Variants in LRBA observed in about 807,000 individuals in gnomAD.
LRBA encodes lipopolysaccharide-responsive and beige-like anchor protein.
In LRBA, 176 loss-of-function variants were observed where a neutral mutation model predicts 330.0. The ratio of observed to expected loss-of-function variants is 0.53; its 90% CI spans 0.47 to 0.60. The LOEUF (loss-of-function observed/expected upper bound fraction) is 0.60. LRBA is among the 20% of genes least tolerant of loss of function. LRBA has a pLI of 0.00. For synonymous variants in LRBA, 1,230 were observed against 1,193.0 expected, an observed-to-expected ratio of 1.03 and a Z score of -0.64; for missense variants, 3,259 against 3,444.8, an observed-to-expected ratio of 0.95 and a Z score of 1.35.
intron 14 of LRBA, among the ~76,000 whole-genome samples, chr4:150,899,734 T>C (rs1030851481): frequency 6.6e-6 from 1 of 152,124 alleles, no homozygotes. Flanking sequence ...CATCTCAGCA[T>C]CAATTACTAA....
intron 28 of LRBA, among the ~76,000 whole-genome samples, chr4:150,832,494 C>T (rs1747352890): frequency 6.6e-6 from 1 of 151,952 alleles, no homozygotes; most frequent in Non-Finnish European, 1.5e-5. Flanking sequence ...TACTCAGGAG[C>T]CTGAGGTGGG....
Position 150,799,427 on chromosome 4 carries a change from G to A in LRBA, c.5519-1285C>T, listed in dbSNP as rs1326626072. Among the ~76,000 whole-genome samples, 9 of 152,192 alleles carry A rather than the reference G, an allele frequency of 5.9e-5. No homozygotes were observed. In the East Asian group the frequency reaches 1.5e-3, roughly 26 times the overall value. On this transcript the variant is annotated intron_variant, in intron 33 of 56. Coordinates refer to ENST00000651943, the MANE Select transcript of LRBA (RefSeq NM_001364905.1). ...TCTCTTACTGCAGGTGTAGCCCTCT[G>A]CTGGTCTGAAACCTTGCCATTTTTC...
At chr4:150,726,742 C>A (rs1729728611) in intron 36 of LRBA, among the ~76,000 whole-genome samples, 2 of 152,150 alleles carry the variant, frequency 1.3e-5, no homozygotes, top group Admixed American at 1.3e-4. Flanking sequence ...GTGATCCAAT[C>A]ACTTGCCTCC....
intron 2 of LRBA, among the ~76,000 whole-genome samples, chr4:150,979,403 A>C (rs1015304607): frequency 1.3e-5 from 2 of 152,236 alleles, no homozygotes; most frequent in Non-Finnish European, 2.9e-5. Flanking sequence ...TTAGTTCCTC[A>C]ATCAAAAAGA....
intron 47 of LRBA, among the ~76,000 whole-genome samples, chr4:150,401,843 G>T (rs1328777733): frequency 6.6e-6 from 1 of 151,738 alleles, no homozygotes; most frequent in Middle Eastern, 3.2e-3. Context: ...TAAAAATATT[G>T]TGTGTATATA....
chr4:150,593,951 A>T (rs571985050), intron 38 of LRBA, among the ~76,000 whole-genome samples: 7 of 152,300 alleles, frequency 4.6e-5, no homozygotes, highest in African/African-American at 1.4e-4. Flanking sequence ...CAATTAAAAA[A>T]TTTTTAAATA....
chr4:150,347,645 C>CA (rs57952007), intron 48 of LRBA, among the ~76,000 whole-genome samples: 85 of 133,840 alleles, frequency 6.4e-4, no homozygotes, highest in East Asian at 6.2e-3. Flanking sequence ...GACTCTGTCT[C>CA]AAAAAAAAAA....
intron 37 of LRBA, among the ~76,000 whole-genome samples, chr4:150,653,843 T>C (rs1176385053): frequency 1.3e-5 from 2 of 152,216 alleles, no homozygotes; most frequent in African/African-American, 2.4e-5. Flanking sequence ...TATTTCAGCA[T>C]GTATCAGGAA....
chr4:150,754,047 A>G (rs1428496907), intron 35 of LRBA, among the ~76,000 whole-genome samples: 1 of 151,876 alleles, frequency 6.6e-6, no homozygotes, highest in Non-Finnish European at 1.5e-5. Flanking sequence ...AGCCTGGGCA[A>G]CAAAGTTGAG....
At chr4:150,885,398 G>C (rs989950816) in intron 17 of LRBA, among the ~76,000 whole-genome samples, 16 of 152,094 alleles carry the variant, frequency 1.1e-4, no homozygotes, top group Non-Finnish European at 2.1e-4. Context: ...AGATGGGCGG[G>C]TAATTTGAGG....
intron 34 of LRBA, among the ~76,000 whole-genome samples, chr4:150,775,942 A>G (rs1737269322): frequency 1.3e-5 from 2 of 151,652 alleles, no homozygotes; most frequent in African/African-American, 4.8e-5. Context: ...AAGAGGGGAG[A>G]AAAAAAAGAA....
chr4:150,961,762 T>C (rs1738173081), intron 2 of LRBA, among the ~76,000 whole-genome samples: 1 of 149,310 alleles, frequency 6.7e-6, no homozygotes, highest in Non-Finnish European at 1.5e-5. Flanking sequence ...TAGCAGTAGA[T>C]GAATGTCTGC....
At chr4:150,615,249 A>G (rs1004934744) in intron 37 of LRBA, among the ~76,000 whole-genome samples, 4 of 152,236 alleles carry the variant, frequency 2.6e-5, no homozygotes, top group African/African-American at 9.6e-5. Context: ...TTAAGTCTTC[A>G]TAGGTTATAA....
chr4:151,008,370 C>T (rs545562622), intron 2 of LRBA, among the ~76,000 whole-genome samples: 271 of 152,078 alleles, frequency 1.8e-3, no homozygotes, highest in Admixed American at 3.3e-3. Context: ...CATGAGCCAC[C>T]GCACCCAGCC....
intron 2 of LRBA, among the ~76,000 whole-genome samples, chr4:150,933,574 T>C (rs2149515789): frequency 6.6e-6 from 1 of 152,252 alleles, no homozygotes; most frequent in Admixed American, 6.5e-5. Flanking sequence ...TAAATATGTC[T>C]AAGAATGAAC....
intron 22 of LRBA, among the ~76,000 whole-genome samples, chr4:150,855,681 T>A (rs1202264350): frequency 1.3e-5 from 2 of 152,082 alleles, no homozygotes; most frequent in Non-Finnish European, 2.9e-5. Flanking sequence ...CAGAAAAAAA[T>A]CACTATCCTG....
At chr4:150,650,509 TCTCAAAA>T (rs1424065645) in intron 37 of LRBA, among the ~76,000 whole-genome samples, 1 of 152,034 alleles carries the variant, frequency 6.6e-6, no homozygotes, top group Admixed American at 6.6e-5. Flanking sequence ...GAGTAAGGAA[TCTCAAAA>T]CTCAAAACTG....
At position 150,583,823 on chromosome 4, in the gene LRBA, C is replaced by G; in HGVS notation, c.6330+4225G>C. On this transcript the variant is annotated intron_variant, in intron 40 of 56. Coordinates refer to ENST00000651943, the MANE Select transcript of LRBA (RefSeq NM_001364905.1). This position sits in a 1 kb window ranked among gnomAD's most constrained non-coding sequence, Gnocchi z 9.8. The stretch of plus-strand genomic sequence containing the variant: ...CTGCGGGACCGCCACCTGGAGCTAC[C>G]CGGCCAGCCGCTCAACAACTACCAC... 1 of 1,614,192 alleles carries G rather than the reference C, an allele frequency of 6.2e-7. No homozygotes were observed. The highest frequency in any genetic ancestry group is 1.1e-5 in the South Asian group (1 of 91,078).
At chr4:150,326,807 T>C (rs954137667) in intron 48 of LRBA, among the ~76,000 whole-genome samples, 2 of 152,132 alleles carry the variant, frequency 1.3e-5, no homozygotes, top group African/African-American at 2.4e-5. Context: ...CAAACACATA[T>C]AAAGGCTACT....
Sources: gnomAD v4.1 joint callset for allele counts (sites outside exome capture counted in the v4.1 genomes callset) on GRCh38, gnomAD v4.1.1 for gene constraint, Gnocchi (gnomAD v3.1) non-coding constraint, MANE v1.5 for transcripts, NCBI Gene and HGNC (gene_info 2026-07-23, HGNC 2026-07-21) for gene names.